ROBO2: variants seen among roughly 807,000 people sequenced by gnomAD.
ROBO2 encodes roundabout guidance receptor 2, also known as roundabout homolog 2.
Under a neutral mutation model 160.8 loss-of-function variants are expected in ROBO2, and 53 were observed. The ratio of observed to expected loss-of-function variants is 0.33; its 90% CI spans 0.26 to 0.41. The LOEUF is 0.41. ROBO2 is among the 10% of genes least tolerant of loss of function. The pLI is 1.00. For missense variants in ROBO2, 1,577 were observed against 1,722.4 expected (o/e 0.92, Z 1.49); for synonymous variants, 664 against 611.7 (o/e 1.09, Z -1.26).
chr3:77,533,877 A>G (rs1051286823), intron 6 of ROBO2, among the ~76,000 whole-genome samples: 3 of 148,652 alleles, frequency 2.0e-5, no homozygotes, highest in Non-Finnish European at 4.4e-5. Context: ...GCTGCCAACT[A>G]CAGTAGGCTT....
At chr3:77,306,155 A>T (rs1341920521) in intron 2 of ROBO2, among the ~76,000 whole-genome samples, 1 of 152,166 alleles carries the variant, frequency 6.6e-6, no homozygotes, top group African/African-American at 2.4e-5. Context: ...TAAATTCATT[A>T]TAATAATGTA....
chr3:76,571,562 A>C (rs188028062), intron 2 of ROBO2, among the ~76,000 whole-genome samples: 1 of 152,274 alleles, frequency 6.6e-6, no homozygotes, highest in East Asian at 1.9e-4. Context: ...TTATTAATTT[A>C]ATAAATCAAG....
chr3:76,774,766 T>G (rs1560538764), intron 2 of ROBO2, among the ~76,000 whole-genome samples: 1 of 150,576 alleles, frequency 6.6e-6, no homozygotes, highest in Non-Finnish European at 1.5e-5. Context: ...ATTTCTTATT[T>G]TTTGCCTTCA....
At chr3:75,934,976 A>G (rs12490585) in intron 1 of ROBO2, among the ~76,000 whole-genome samples, 9,022 of 152,238 alleles carry the variant, frequency 0.059, 351 homozygotes, top group Admixed American at 0.079. Flanking sequence ...TTTTGATACT[A>G]AGTGAAAGTG....
intron 2 of ROBO2, among the ~76,000 whole-genome samples, chr3:76,724,437 A>G (rs555985225): frequency 6.6e-6 from 1 of 152,322 alleles, no homozygotes; most frequent in East Asian, 1.9e-4. Flanking sequence ...CAGATTATTG[A>G]CAGTACCATA....
At chr3:77,597,633 T>C (rs1205457727) in intron 19 of ROBO2, among the ~76,000 whole-genome samples, 2 of 152,032 alleles carry the variant, frequency 1.3e-5, no homozygotes, top group African/African-American at 4.8e-5. Context: ...TGTCTACCAA[T>C]TGGGAGTAAG....
chr3:76,869,342 G>GTTTTTTTTTTTTTTTTTT (rs34051755), intron 2 of ROBO2, among the ~76,000 whole-genome samples: 1 of 71,358 alleles, frequency 1.4e-5, no homozygotes, highest in Non-Finnish European at 2.6e-5. Flanking sequence ...AGAAATTGAT[G>GTTTTTTTTTTTTTTTTTT]TTTTTTTTTT....
chr3:76,517,815 C>A (rs144583538), intron 2 of ROBO2, among the ~76,000 whole-genome samples: 142 of 152,196 alleles, frequency 9.3e-4, no homozygotes, highest in African/African-American at 3.4e-3. Flanking sequence ...TGGGTATCTA[C>A]CTTTTCCTCT....
At chr3:77,530,364 G>T (rs2091582547) in intron 6 of ROBO2, among the ~76,000 whole-genome samples, 2 of 151,944 alleles carry the variant, frequency 1.3e-5, no homozygotes, top group African/African-American at 4.8e-5. Flanking sequence ...GATGGTCTGT[G>T]TAGAAAGCCC....
At chr3:76,263,545 C>T (rs576853587) in intron 2 of ROBO2, among the ~76,000 whole-genome samples, 3 of 152,128 alleles carry the variant, frequency 2.0e-5, no homozygotes, top group South Asian at 2.1e-4. Flanking sequence ...TCTTAGCCTA[C>T]AGTGATAACC....
chr3:75,995,373 T>C (rs1211091141), intron 2 of ROBO2, among the ~76,000 whole-genome samples: 4 of 152,096 alleles, frequency 2.6e-5, no homozygotes, highest in Non-Finnish European at 5.9e-5. Flanking sequence ...GGCCATTGCT[T>C]CAGAGGGTGC....
chr3:76,951,957 C>G (rs2078983723), intron 2 of ROBO2, among the ~76,000 whole-genome samples: 1 of 152,224 alleles, frequency 6.6e-6, no homozygotes, highest in Non-Finnish European at 1.5e-5. Context: ...CCTTCCCCAG[C>G]TTTGTCTTGC....
intron 2 of ROBO2, among the ~76,000 whole-genome samples, chr3:76,628,030 A>G (rs992331027): frequency 4.2e-5 from 4 of 94,450 alleles, no homozygotes; most frequent in South Asian, 3.0e-4. Context: ...TCCTTTGGCT[A>G]AGGAAAAAAG....
At chr3:76,273,698 G>A (rs1707746786) in intron 2 of ROBO2, among the ~76,000 whole-genome samples, 1 of 152,142 alleles carries the variant, frequency 6.6e-6, no homozygotes, top group Non-Finnish European at 1.5e-5. Flanking sequence ...ACCATCATGA[G>A]AACTCACTCA....
chr3:76,748,584 A>G (rs1049897204), intron 2 of ROBO2, among the ~76,000 whole-genome samples: 1 of 151,666 alleles, frequency 6.6e-6, no homozygotes, highest in Admixed American at 6.6e-5. Flanking sequence ...TTTGATTAAT[A>G]TAATTATTAA....
intron 2 of ROBO2, among the ~76,000 whole-genome samples, chr3:77,401,820 T>G (rs1259955271): frequency 1.2e-4 from 18 of 152,200 alleles, no homozygotes; most frequent in Admixed American, 1.2e-3. Context: ...TTTATGGTTC[T>G]AGATCCTTGA....
At chr3:76,792,764 A>T (rs2063449662) in intron 2 of ROBO2, among the ~76,000 whole-genome samples, 1 of 151,814 alleles carries the variant, frequency 6.6e-6, no homozygotes, top group Non-Finnish European at 1.5e-5. Context: ...GGTAAGAAGT[A>T]AGTTTGTCAA....
intron 2 of ROBO2, among the ~76,000 whole-genome samples, chr3:77,237,608 C>T (rs1475928777): frequency 1.3e-5 from 2 of 152,072 alleles, no homozygotes; most frequent in Non-Finnish European, 2.9e-5. Context: ...TTGGATGTAA[C>T]ACAAGTCCAT....
intron 2 of ROBO2, among the ~76,000 whole-genome samples, chr3:77,158,721 G>A (rs1485219666): frequency 6.6e-6 from 1 of 152,066 alleles, no homozygotes; most frequent in Non-Finnish European, 1.5e-5. Context: ...TGGGGTTGGT[G>A]GCAGCTTAAT....
Sources: allele counts gnomAD v4.1 joint callset (sites outside exome capture counted in the v4.1 genomes callset), GRCh38; gene constraint gnomAD v4.1.1; transcripts MANE v1.5; gene names NCBI Gene and HGNC (gene_info 2026-07-23, HGNC 2026-07-21).